The following PCDHGA2 variants were observed in gnomAD, a reference collection of about 807,000 sequenced individuals.
The protein encoded by PCDHGA2 is protocadherin gamma-A2.
Under a neutral mutation model 59.2 loss-of-function variants are expected in PCDHGA2, and 40 were observed. The ratio of observed to expected loss-of-function variants is 0.68; its 90% CI spans 0.52 to 0.88. The LOEUF is 0.88. Among genes scored for constraint, PCDHGA2 ranks in the 40% least tolerant of loss-of-function variants. The probability of loss-of-function intolerance (pLI) is 0.00; values close to 1 mark genes in which losing one functional copy is unlikely to be tolerated. For missense variants in PCDHGA2, 1,226 were observed against 1,204.0 expected (o/e 1.02, Z -0.27); for synonymous variants, 560 against 526.0 (o/e 1.06, Z -0.89).
At chr5:141,392,728 G>T in intron 1 of PCDHGA2, 1 of 1,407,730 alleles carries the variant, frequency 7.1e-7, no homozygotes, top group Non-Finnish European at 9.3e-7. Context: ...CCGGAGGATT[G>T]TCATCTCCAT....
chr5:141,376,155 T>C, intron 1 of PCDHGA2: 1 of 1,614,062 alleles, frequency 6.2e-7, no homozygotes, highest in Non-Finnish European at 8.5e-7. Context: ...GACCTCACTC[T>C]GTACCTGGTG....
At chr5:141,501,883 G>A (rs1204174131) in intron 2 of PCDHGA2, among the ~76,000 whole-genome samples, 1 of 152,022 alleles carries the variant, frequency 6.6e-6, no homozygotes, top group African/African-American at 2.4e-5. Flanking sequence ...TTACACTCCT[G>A]ATCATCATGG....
At chr5:141,380,706 T>C (rs1203086162) in intron 1 of PCDHGA2, among the ~76,000 whole-genome samples, 1 of 152,260 alleles carries the variant, frequency 6.6e-6, no homozygotes, top group Non-Finnish European at 1.5e-5. Context: ...GTCTATAATT[T>C]AATTTAACTA....
At chr5:141,343,744 G>T in intron 1 of PCDHGA2, 1 of 323,434 alleles carries the variant, frequency 3.1e-6, no homozygotes, top group Non-Finnish European at 5.6e-6. Context: ...ATAATAATGT[G>T]TCTGAGAGGA....
At chr5:141,365,191 A>C (rs1263019810) in intron 1 of PCDHGA2, 1 of 1,613,908 alleles carries the variant, frequency 6.2e-7, no homozygotes, top group Admixed American at 1.7e-5. Flanking sequence ...AAGAAGAAAA[A>C]ATTTCGGAGA....
At chr5:141,444,125 C>A (rs1459174213) in intron 1 of PCDHGA2, among the ~76,000 whole-genome samples, 2 of 130,784 alleles carry the variant, frequency 1.5e-5, no homozygotes, top group African/African-American at 5.7e-5. Flanking sequence ...AGTATCTCAA[C>A]AGATATGTGT....
At chr5:141,359,134 T>C (rs1761128999) in intron 1 of PCDHGA2, among the ~76,000 whole-genome samples, 2 of 152,242 alleles carry the variant, frequency 1.3e-5, no homozygotes, top group African/African-American at 4.8e-5. Flanking sequence ...ATACATAGAG[T>C]AAGCTGGAAT....
intron 1 of PCDHGA2, among the ~76,000 whole-genome samples, chr5:141,397,411 T>G (rs1464488353): frequency 6.6e-6 from 1 of 152,210 alleles, no homozygotes; most frequent in East Asian, 1.9e-4. Context: ...AAAATAGTTT[T>G]AAATAGTATA....
chr5:141,340,491 T>A lies in PCDHGA2; in HGVS notation c.1520T>A (p.Ile507Asn), dbSNP rs778779561. 1.4e-5 allele frequency: 22 copies of A among 1,614,068 alleles called. No individual in the cohort carries two copies. Among genetic ancestry groups the A allele is most frequent in the Non-Finnish European group, 1.9e-5 (22 of 1,180,036 alleles). Residue 507 changes from isoleucine (I) to asparagine (N), a missense_variant, in exon 1 of 4, where the codon ATC (isoleucine) becomes AAC (asparagine). Physicochemically the swap from Ile to Asn is moderately radical, Grantham distance 149. Transcript: ENST00000394576. Reference protein sequence around the residue: ...QGAPLSSYISINSDTGVLYAL... With the variant: ...QGAPLSSYISNNSDTGVLYAL... ...GCACCCTTATCCTCTTACATCTCTA[T>A]CAACTCCGACACTGGAGTACTCTAT...
Position 141,431,704 on chromosome 5 carries a change from C to T in PCDHGA2, c.2425-63103C>T. On this transcript the variant is annotated intron_variant, in intron 1 of 3. Transcript: ENST00000394576. The surrounding 1 kb of genome is among the most constrained non-coding windows in gnomAD (Gnocchi z 4.8). ...TGGACCACGAGGAGTCAGGATTCTA[C>T]CAGATGGAAGTGCAAGCAATGGATA... 1 of 1,614,194 alleles carries T rather than the reference C, an allele frequency of 6.2e-7. No homozygotes were observed. The highest frequency in any genetic ancestry group is 8.5e-7 in the Non-Finnish European group (1 of 1,180,036).
Position 141,476,162 on chromosome 5 carries a change from G to A in PCDHGA2, c.2425-18645G>A. 6.2e-7 allele frequency: 1 copy of A among 1,613,038 alleles called. No homozygotes were observed. Among genetic ancestry groups the A allele is most frequent in the South Asian group, 1.1e-5 (1 of 91,040 alleles). Reference sequence around the variant, plus strand: ...GAGCGGACTGGTAAGCACCGGGAGGGTAGTGGGAGTTTTGCTTCTGCTTGG... The same window carrying A: ...GAGCGGACTGGTAAGCACCGGGAGGATAGTGGGAGTTTTGCTTCTGCTTGG... On this transcript the variant is annotated intron_variant, in intron 1 of 3. Coordinates refer to ENST00000394576, the MANE Select transcript of PCDHGA2 (RefSeq NM_018915.4). The surrounding 1 kb of genome is among the most constrained non-coding windows in gnomAD (Gnocchi z 7.6).
chr5:141,350,560 A>C (rs769443281), intron 1 of PCDHGA2: 29 of 1,613,916 alleles, frequency 1.8e-5, no homozygotes, highest in African/African-American at 1.5e-4. Context: ...TTGAGTGTGC[A>C]CTAGAATTCG....
At chr5:141,413,025 A>G in intron 1 of PCDHGA2, 1 of 740,544 alleles carries the variant, frequency 1.4e-6, no homozygotes, top group Non-Finnish European at 2.1e-6. Context: ...CAAGCCCCAC[A>G]AACCGGCTGC....
rs547854431 is a variant in PCDHGA2, at chr5:141,476,383, C to A, written c.2425-18424C>A. 1.2e-6 allele frequency: 2 copies of A among 1,614,102 alleles called. No homozygotes were observed. Among genetic ancestry groups the A allele is most frequent in the African/African-American group, 1.3e-5 (1 of 75,014 alleles). On this transcript the variant is annotated intron_variant, in intron 1 of 3. Transcript: ENST00000394576. The surrounding 1 kb of genome is among the most constrained non-coding windows in gnomAD (Gnocchi z 7.6). ...GGGAGACCGGAGAGATGTTTGTGAA[C>A]GACCGTCTGGATCGAGAGGAGCTGT...
chr5:141,460,275 A>G (rs2154566824), intron 1 of PCDHGA2, among the ~76,000 whole-genome samples: 1 of 152,098 alleles, frequency 6.6e-6, no homozygotes, highest in East Asian at 1.9e-4. Context: ...TTTTTCTTTT[A>G]TAGTTTGTAT....
At chr5:141,371,572 A>C (rs913644689) in intron 1 of PCDHGA2, 1 of 1,613,960 alleles carries the variant, frequency 6.2e-7, no homozygotes, top group Middle Eastern at 1.6e-4. Context: ...TTCCCCTTTA[A>C]AATCGTTCAA....
intron 1 of PCDHGA2, chr5:141,394,624 T>C (rs542816387): frequency 6.2e-7 from 1 of 1,613,110 alleles, no homozygotes; most frequent in African/African-American, 1.3e-5. Flanking sequence ...AACGCCTGGC[T>C]GTCCTACCGC....
At chr5:141,383,102 C>T (rs991434235) in intron 1 of PCDHGA2, 1 of 1,614,004 alleles carries the variant, frequency 6.2e-7, no homozygotes, top group Non-Finnish European at 8.5e-7. Context: ...CGCATCATCT[C>T]CAGAGGTAGG....
At chr5:141,459,863 G>A (rs182099511) in intron 1 of PCDHGA2, among the ~76,000 whole-genome samples, 2 of 152,242 alleles carry the variant, frequency 1.3e-5, no homozygotes, top group East Asian at 1.9e-4. Context: ...TGAAGCATTC[G>A]TTCATCTTTA....
Sources: gnomAD v4.1 joint callset for allele counts (sites outside exome capture counted in the v4.1 genomes callset) on GRCh38, gnomAD v4.1.1 for gene constraint, Gnocchi (gnomAD v3.1) non-coding constraint, MANE v1.5 for transcripts, NCBI Gene and HGNC (gene_info 2026-07-23, HGNC 2026-07-21) for gene names.